Variants in SPATA6 observed in about 807,000 individuals in gnomAD.
The protein encoded by SPATA6 is spermatogenesis-associated protein 6.
In SPATA6, 56 loss-of-function variants were observed where a neutral mutation model predicts 65.3. The observed-to-expected ratio is 0.86, with a 90% confidence interval of 0.69 to 1.07. The LOEUF (loss-of-function observed/expected upper bound fraction) is 1.07, where lower values mean the gene tolerates loss of function less well. Ranked by LOEUF, SPATA6 falls within the 50% of genes least tolerant of loss-of-function variation. The pLI, the probability that SPATA6 is intolerant of heterozygous loss-of-function variation, is 0.00. For synonymous variants in SPATA6, 199 were observed against 213.2 expected (o/e 0.93, Z 0.58); for missense variants, 590 against 594.8 (o/e 0.99, Z 0.08).
At chr1:48,315,027 C>A (rs1377717859) in intron 11 of SPATA6, among the ~76,000 whole-genome samples, 2 of 152,054 alleles carry the variant, frequency 1.3e-5, no homozygotes, top group East Asian at 3.8e-4. Context: ...CAATAACAGG[C>A]TCTGAAATTG....
intron 3 of SPATA6, among the ~76,000 whole-genome samples, chr1:48,450,225 AAGAGATC>A (rs1656438580): frequency 6.6e-6 from 1 of 151,992 alleles, no homozygotes; most frequent in Non-Finnish European, 1.5e-5. Context: ...AAAGTATAAA[AAGAGATC>A]AGAGAAGAAA....
At chr1:48,438,763 T>C (rs1473735484) in intron 3 of SPATA6, among the ~76,000 whole-genome samples, 4 of 152,164 alleles carry the variant, frequency 2.6e-5, no homozygotes, top group Non-Finnish European at 5.9e-5. Flanking sequence ...CTGTCTCTGG[T>C]GCTTTTCTAG....
At position 48,449,520 on chromosome 1, in the gene SPATA6, A is replaced by G. The variant is rs572767803; in HGVS notation, c.238+2032T>C. 5.9e-5 allele frequency among the ~76,000 whole-genome samples: 9 copies of G among 152,346 alleles called. No homozygotes were observed. The South Asian group carries it at 1.9e-3, about 32-fold the overall frequency. The stretch of plus-strand genomic sequence containing the variant: ...AACAATCCAAACAACATTTTAAGGA[A>G]GCAATCAGCCAAACCCAAACTGTAT... On this transcript the variant is annotated intron_variant, in intron 3 of 12. Coordinates refer to ENST00000371847, the MANE Select transcript of SPATA6 (RefSeq NM_019073.4).
At chr1:48,308,873 C>T (rs1444500135) in intron 11 of SPATA6, among the ~76,000 whole-genome samples, 1 of 151,982 alleles carries the variant, frequency 6.6e-6, no homozygotes, top group Non-Finnish European at 1.5e-5. Flanking sequence ...CTCTTTTTGA[C>T]TCTGGCTTTT....
intron 3 of SPATA6, among the ~76,000 whole-genome samples, chr1:48,418,000 A>G (rs1475497104): frequency 2.0e-5 from 3 of 152,188 alleles, no homozygotes; most frequent in Non-Finnish European, 4.4e-5. Context: ...TTATATAGTT[A>G]CATACCTGAT....
chr1:48,302,152 A>T (rs59383239), intron 12 of SPATA6, among the ~76,000 whole-genome samples: 6,919 of 152,176 alleles, frequency 0.045, 498 homozygotes, highest in African/African-American at 0.16. Flanking sequence ...GATATTGTGA[A>T]CTATTTCTTC....
At chr1:48,360,615 T>A (rs1044771085) in intron 9 of SPATA6, among the ~76,000 whole-genome samples, 3 of 152,036 alleles carry the variant, frequency 2.0e-5, no homozygotes, top group Admixed American at 1.3e-4. Flanking sequence ...AGAAATGAGG[T>A]CAAAAAGGTA....
At chr1:48,266,476 C>T in the SPATA6 span, among the ~76,000 whole-genome samples, 375 of 152,042 alleles carry the variant, frequency 2.5e-3, 3 homozygotes, top group African/African-American at 8.5e-3. Flanking sequence ...AATTCACAAA[C>T]GTGTCATGGA....
At chr1:48,399,173 G>A in intron 7 of SPATA6, 178 bp downstream of exon 7, 2 of 744,796 alleles carry the variant, frequency 2.7e-6, no homozygotes, top group East Asian at 2.8e-5. Flanking sequence ...TCTGAAGACT[G>A]AAAAAAAGCA....
intron 5 of SPATA6, among the ~76,000 whole-genome samples, chr1:48,404,308 T>A (rs1651475148): frequency 6.6e-6 from 1 of 152,172 alleles, no homozygotes; most frequent in South Asian, 2.1e-4. Context: ...AACGTATACA[T>A]ATATCAAACA....
intron 11 of SPATA6, among the ~76,000 whole-genome samples, chr1:48,342,487 G>A (rs1029205957): frequency 2.0e-5 from 3 of 151,780 alleles, no homozygotes; most frequent in African/African-American, 4.8e-5. Flanking sequence ...GTGGTGGCCC[G>A]CCCCTGTAGT....
At position 48,327,666 on chromosome 1, in the gene SPATA6, T is replaced by C. The variant is rs572418518; in HGVS notation, c.1195-21788A>G. Among the ~76,000 whole-genome samples the C allele has an allele frequency of 4.6e-5, 7 of 152,238 alleles. No homozygotes were observed. In the East Asian group the frequency reaches 1.3e-3, roughly 29 times the overall value. On this transcript the variant is annotated intron_variant, in intron 11 of 12. Transcript: ENST00000371847. ...CCATAAAAGGAATGAAATCATGTCC[T>C]TTGCAGCAACACAGATAGGCCAATG...
chr1:48,393,408 T>C (rs1171486135), intron 8 of SPATA6: 1 of 152,042 alleles, frequency 6.6e-6, no homozygotes, highest in Non-Finnish European at 1.5e-5. Flanking sequence ...AAATTATCAA[T>C]GTCATTAAGC....
the SPATA6 span, among the ~76,000 whole-genome samples, chr1:48,281,376 A>G: frequency 6.6e-6 from 1 of 151,990 alleles, no homozygotes; most frequent in Non-Finnish European, 1.5e-5. Flanking sequence ...TTCAATTAGG[A>G]AAAGAGGAAG....
At chr1:48,353,249 T>C (rs567511264) in intron 11 of SPATA6, among the ~76,000 whole-genome samples, 1 of 152,002 alleles carries the variant, frequency 6.6e-6, no homozygotes, top group South Asian at 2.1e-4. Context: ...TGTTTTCATG[T>C]TCCAATATTA....
At chr1:48,287,462 T>A in the SPATA6 span, among the ~76,000 whole-genome samples, 3 of 152,236 alleles carry the variant, frequency 2.0e-5, no homozygotes, top group Non-Finnish European at 4.4e-5. Flanking sequence ...TTCCCAATGT[T>A]GGAGGTGTGG....
chr1:48,361,122 G>A (rs1646800315), intron 9 of SPATA6, among the ~76,000 whole-genome samples: 1 of 152,058 alleles, frequency 6.6e-6, no homozygotes, highest in African/African-American at 2.4e-5. Flanking sequence ...GAGTCTAAAT[G>A]GTATTTAGAG....
chr1:48,282,716 C>T, the SPATA6 span, among the ~76,000 whole-genome samples: 3 of 152,262 alleles, frequency 2.0e-5, no homozygotes, highest in East Asian at 5.8e-4. Flanking sequence ...GAAATAGGAA[C>T]ACTTTTACAC....
intron 11 of SPATA6, among the ~76,000 whole-genome samples, chr1:48,354,591 C>T (rs1027461673): frequency 6.6e-6 from 1 of 151,918 alleles, no homozygotes; most frequent in Non-Finnish European, 1.5e-5. Flanking sequence ...GCTACACTGC[C>T]AGGTAAAACA....
Sources: allele counts gnomAD v4.1 joint callset (sites outside exome capture counted in the v4.1 genomes callset), GRCh38; gene constraint gnomAD v4.1.1; transcripts MANE v1.5; gene names NCBI Gene and HGNC (gene_info 2026-07-23, HGNC 2026-07-21).